DLGAP2: variants seen among roughly 807,000 people sequenced by gnomAD.
DLGAP2 encodes disks large-associated protein 2.
Under a neutral mutation model 100.3 loss-of-function variants are expected in DLGAP2, and 26 were observed. The observed-to-expected ratio is 0.26, with a 90% CI of 0.19 to 0.36. DLGAP2 has a LOEUF of 0.36. DLGAP2 is among the 10% of genes least tolerant of loss of function. The pLI is 1.00. For synonymous variants in DLGAP2, 886 were observed against 630.1 expected, an observed-to-expected ratio of 1.41 and a Z score of -6.08; for missense variants, 1,858 against 1,453.2, an observed-to-expected ratio of 1.28 and a Z score of -4.53.
intron 2 of DLGAP2, among the ~76,000 whole-genome samples, chr8:986,647 C>G (rs1461706334): frequency 1.3e-5 from 2 of 148,702 alleles, no homozygotes; most frequent in Non-Finnish European, 3.0e-5. Flanking sequence ...CACTGCATGT[C>G]AAACACTGTA....
intron 3 of DLGAP2, among the ~76,000 whole-genome samples, chr8:1,386,613 C>G: frequency 6.6e-6 from 1 of 152,116 alleles, no homozygotes; most frequent in Non-Finnish European, 1.5e-5. Context: ...TTCGCTCTCT[C>G]AGGAAGATTC....
At chr8:1,225,721 C>G (rs1399794221) in intron 2 of DLGAP2, among the ~76,000 whole-genome samples, 1 of 152,178 alleles carries the variant, frequency 6.6e-6, no homozygotes, top group South Asian at 2.1e-4. Context: ...CTGGGGAGCT[C>G]TTGGTCCAAG....
intron 8 of DLGAP2, among the ~76,000 whole-genome samples, chr8:1,664,800 GCA>G (rs1798502340): frequency 6.6e-6 from 1 of 152,220 alleles, no homozygotes; most frequent in African/African-American, 2.4e-5. Context: ...TATCACTGCA[GCA>G]CAGCTAATTG....
At chr8:925,496 A>T (rs1412355350) in intron 2 of DLGAP2, among the ~76,000 whole-genome samples, 1 of 152,158 alleles carries the variant, frequency 6.6e-6, no homozygotes, top group East Asian at 1.9e-4. Context: ...CCAGGAATCC[A>T]TGACTTGGGG....
In DLGAP2 at chr8:928,199, A is replaced by T. The variant is rs116551796; in HGVS notation, c.73+20233A>T. Reference sequence around the variant, plus strand: ...GCTGAGTTCATATTCAGTAGGCCTCATGGACGCAGATTTACGAGATTTTCC... The same window carrying T: ...GCTGAGTTCATATTCAGTAGGCCTCTTGGACGCAGATTTACGAGATTTTCC... On this transcript the variant is annotated intron_variant, in intron 2 of 14. Coordinates refer to ENST00000637795, the MANE Select transcript of DLGAP2 (RefSeq NM_001346810.2). Among the ~76,000 whole-genome samples, 568 of 152,322 alleles carry T rather than the reference A, an allele frequency of 3.7e-3. 8 individuals carry two copies. The highest frequency in any genetic ancestry group is 0.013 in the African/African-American group (548 of 41,582).
At chr8:1,385,956 C>G (rs1796209859) in intron 3 of DLGAP2, among the ~76,000 whole-genome samples, 1 of 152,276 alleles carries the variant, frequency 6.6e-6, no homozygotes, top group African/African-American at 2.4e-5. Context: ...CACCCACAGT[C>G]CTAATACTGG....
intron 2 of DLGAP2, among the ~76,000 whole-genome samples, chr8:915,822 CT>C (rs1258760146): frequency 6.6e-6 from 1 of 150,824 alleles, no homozygotes; most frequent in African/African-American, 2.4e-5. Flanking sequence ...ATTGTAGACT[CT>C]CCCCACTCTC....
At chr8:1,245,879 C>T (rs1231227887) in intron 2 of DLGAP2, among the ~76,000 whole-genome samples, 1 of 152,150 alleles carries the variant, frequency 6.6e-6, no homozygotes, top group Non-Finnish European at 1.5e-5. Flanking sequence ...CTGGTGTGGT[C>T]GAGCACGAAG....
rs144772022 is a variant in DLGAP2 at position 1,254,272 on chromosome 8, C to T, written c.74-4579C>T. 3.1e-3 allele frequency among the ~76,000 whole-genome samples: 465 copies of T among 152,320 alleles called. 2 individuals are homozygous for T. Among genetic ancestry groups the T allele is most frequent in the African/African-American group, 0.01 (432 of 41,584 alleles). ...GCCCTGGGGGAACCCCGGGCACATCCAGGACTCCGCTCTGTCCCCATCATG... is the reference window on the plus strand; with the variant it reads ...GCCCTGGGGGAACCCCGGGCACATCTAGGACTCCGCTCTGTCCCCATCATG... On this transcript the variant is annotated intron_variant, in intron 2 of 14. Transcript: ENST00000637795.
At position 1,026,800 on chromosome 8, in the gene DLGAP2, T is replaced by C. The variant is rs567007814; in HGVS notation, c.73+118834T>C. On this transcript the variant is annotated intron_variant, in intron 2 of 14. Transcript: ENST00000637795. ...TACGTATTCTATGCTTTAGGTAAAA[T>C]ATTTATGAAAATACCCATGAGATTA... Among the ~76,000 whole-genome samples the C allele has an allele frequency of 1.1e-4, 17 of 152,334 alleles. No individual in the cohort carries two copies. In the South Asian group the frequency reaches 3.5e-3, roughly 32 times the overall value.
rs546155450 is a variant in DLGAP2, at chr8:1,579,169, T to G, written c.1442+13275T>G. Among the ~76,000 whole-genome samples, 8 of 152,338 alleles carry G rather than the reference T, an allele frequency of 5.3e-5. No individual in the cohort carries two copies. The East Asian group carries it at 5.8e-4, about 11-fold the overall frequency. On this transcript the variant is annotated intron_variant, in intron 6 of 14. Coordinates refer to ENST00000637795, the MANE Select transcript of DLGAP2 (RefSeq NM_001346810.2). ...AATTAGAAAGTCAAAGCTCTAATAA[T>G]TTTGAATGTCTCTGGGTCATTCTCT...
At chr8:808,940 T>G (rs1180990831) in intron 1 of DLGAP2, among the ~76,000 whole-genome samples, 1 of 146,788 alleles carries the variant, frequency 6.8e-6, no homozygotes, top group Non-Finnish European at 1.5e-5. Flanking sequence ...GGAGTTTCGC[T>G]CTGTCCCCCA....
intron 2 of DLGAP2, among the ~76,000 whole-genome samples, chr8:1,074,111 C>G (rs1475337562): frequency 7.3e-6 from 1 of 137,502 alleles, no homozygotes; most frequent in African/African-American, 3.2e-5. Flanking sequence ...ATTCAGGATT[C>G]ACTGTCACAG....
chr8:915,973 G>A (rs191656501), intron 2 of DLGAP2, among the ~76,000 whole-genome samples: 16 of 149,118 alleles, frequency 1.1e-4, no homozygotes, highest in East Asian at 4.0e-4. Flanking sequence ...TCACCCGTCC[G>A]TCCATCTGTC....
intron 3 of DLGAP2, among the ~76,000 whole-genome samples, 173 bp downstream of exon 3, chr8:1,259,056 A>G (rs1234453801): frequency 6.6e-6 from 1 of 152,244 alleles, no homozygotes; most frequent in East Asian, 1.9e-4. Flanking sequence ...GTGCAAGGTG[A>G]GCGTTAGGAC....
At position 1,548,781 on chromosome 8, in the gene DLGAP2, C is replaced by G; in HGVS notation, c.328C>G (p.Leu110Val). The change falls in exon 5 of 15, where the codon CTG (leucine) becomes GTG (valine). Residue 110 changes from leucine to valine, a missense_variant. Transcript: ENST00000637795. ...GLAPPEDCEH[L>V]HHGPDARPPY... ...GGCGCCCCCGGAGGACTGCGAGCAC[C>G]TGCACCACGGGCCCGACGCGCGGCC... The G allele has an allele frequency of 6.3e-7, 1 of 1,594,060 alleles. No individual in the cohort carries two copies. The highest frequency in any genetic ancestry group is 8.5e-7 in the Non-Finnish European group (1 of 1,173,116).
chr8:995,791 CCT>C (rs1291208713), intron 2 of DLGAP2, among the ~76,000 whole-genome samples: 1 of 151,918 alleles, frequency 6.6e-6, no homozygotes, highest in African/African-American at 2.4e-5. Context: ...TTAGGTTCCC[CCT>C]GTTTGGTGAT....
At chr8:1,065,400 C>A (rs1563172677) in intron 2 of DLGAP2, among the ~76,000 whole-genome samples, 1 of 152,214 alleles carries the variant, frequency 6.6e-6, no homozygotes, top group African/African-American at 2.4e-5. Context: ...TTCCTGACCA[C>A]ACATCTTTGT....
intron 8 of DLGAP2, among the ~76,000 whole-genome samples, chr8:1,640,431 C>T (rs1797870267): frequency 6.6e-6 from 1 of 152,198 alleles, no homozygotes; most frequent in South Asian, 2.1e-4. Flanking sequence ...ATGCCAGAAA[C>T]CTGGCAACAA....
Sources: gnomAD v4.1 joint callset for allele counts (sites outside exome capture counted in the v4.1 genomes callset) on GRCh38, gnomAD v4.1.1 for gene constraint, MANE v1.5 for transcripts, NCBI Gene and HGNC (gene_info 2026-07-23, HGNC 2026-07-21) for gene names.